RPS3: variants seen among roughly 807,000 people sequenced by gnomAD.
RPS3 encodes the protein small ribosomal subunit protein uS3.
In RPS3, 2 loss-of-function variants were observed where a neutral mutation model predicts 25.8. That is an observed-to-expected ratio of 0.08 (90% CI 0.03 to 0.24). The LOEUF (loss-of-function observed/expected upper bound fraction) is 0.24. Ranked by LOEUF, RPS3 falls within the 10% of genes least tolerant of loss-of-function variation. The pLI is 1.00. For synonymous variants in RPS3, 114 were observed against 114.2 expected, an observed-to-expected ratio of 1.00 and a Z score of 0.01; for missense variants, 107 against 307.1, an observed-to-expected ratio of 0.35 and a Z score of 4.87.
intron 2 of RPS3, 142 bp from the exon 3 acceptor site, chr11:75,401,498 A>G: frequency 3.2e-6 from 2 of 633,168 alleles, no homozygotes; most frequent in Non-Finnish European, 5.6e-6. Context: ...TCAAAAAAAA[A>G]AGCTGCGTTT....
Position 75,404,952 on chromosome 11 carries a change from G to A in RPS3, c.*3+84G>A, listed in dbSNP as rs1176919295. 2 of 902,652 alleles carry A rather than the reference G, an allele frequency of 2.2e-6. No homozygotes were observed. The highest frequency in any genetic ancestry group is 3.3e-6 in the Non-Finnish European group (2 of 612,088). The allele number at this position is 902,652 out of a possible 1,614,324, so 55.9% of individuals were successfully genotyped here. A position where few individuals can be genotyped will look rare whatever the true frequency, so the allele number is the denominator to read the frequency against. ...GTTAATACTTGTATCCCACATTCTG[G>A]TAAGCGTTTGGTGAATAAAAATTTC... On this transcript the variant is annotated intron_variant, in intron 6 of 6. Coordinates refer to ENST00000531188, the MANE Select transcript of RPS3 (RefSeq NM_001005.5). This position sits in a 1 kb window ranked among gnomAD's most constrained non-coding sequence, Gnocchi z 4.6.
chr11:75,408,144 TGAA>T (rs1263108252), downstream of RPS3, among the ~76,000 whole-genome samples: 1 of 151,858 alleles, frequency 6.6e-6, no homozygotes, highest in Non-Finnish European at 1.5e-5. Flanking sequence ...GACAGAAAAA[TGAA>T]GATTATTAGT....
intron 6 of RPS3, among the ~76,000 whole-genome samples, chr11:75,414,378 G>A (rs1948380238): frequency 6.6e-6 from 1 of 152,218 alleles, no homozygotes; most frequent in South Asian, 2.1e-4. Context: ...TTGGGAGGCC[G>A]AGGCAGGCGG....
intron 1 of RPS3, 23 bp downstream of exon 1, chr11:75,399,600 C>T: frequency 6.2e-7 from 1 of 1,608,810 alleles, no homozygotes; most frequent in Non-Finnish European, 8.5e-7. Flanking sequence ...GGACTGGGTT[C>T]GGAGAACGAC....
rs770254186 is a variant in RPS3, at chr11:75,404,468, T to G, written c.539-204T>G. The G allele has an allele frequency of 1.8e-5, 14 of 793,840 alleles. No homozygotes were observed. The highest frequency in any genetic ancestry group is 1.8e-4 in the South Asian group (13 of 74,170). 49.2% of individuals were successfully genotyped at this position (793,840 alleles called of 1,614,324 possible). A position where few individuals can be genotyped will look rare whatever the true frequency, so the allele number is the denominator to read the frequency against. On this transcript the variant is annotated intron_variant, in intron 5 of 6. Transcript: ENST00000531188. The surrounding 1 kb of genome is among the most constrained non-coding windows in gnomAD (Gnocchi z 4.6). ...AGTCAGAAAGGTCACGTCCTGCTCT[T>G]GGTCCTTGTCAGTGCCATGTTCTGT...
chr11:75,417,962 C>T lies in RPS3; in HGVS notation c.*4-3765C>T, dbSNP rs1036005797. Among the ~76,000 whole-genome samples, 6 of 152,344 alleles carry T rather than the reference C, an allele frequency of 3.9e-5. 1 individual carries two copies. Among genetic ancestry groups the T allele is most frequent in the African/African-American group, 4.8e-5 (2 of 41,578 alleles). ...CCAAAATGACCAGGCTGCCCAGCCT[C>T]GGCCCGGATCAAGATCTAGAGGCCA... On this transcript the variant is annotated intron_variant, in intron 6 of 6. Transcript: ENST00000527446.
At chr11:75,405,460 A>ATTT (rs34828342) in intron 6 of RPS3, 154 bp from the exon 7 acceptor site, 139 of 297,072 alleles carry the variant, frequency 4.7e-4, no homozygotes, top group South Asian at 5.7e-4. Context: ...GGTGCCTTGT[A>ATTT]TTTTTTTTTT....
chr11:75,402,216 C>A, intron 3 of RPS3, 136 bp from the exon 4 acceptor site: 3 of 1,331,134 alleles, frequency 2.3e-6, no homozygotes, highest in Admixed American at 3.7e-5. Flanking sequence ...TCAAAGCCAT[C>A]TCCTGGGCAG....
At chr11:75,415,815 A>AC (rs1948391916) in intron 6 of RPS3, among the ~76,000 whole-genome samples, 1 of 150,614 alleles carries the variant, frequency 6.6e-6, no homozygotes, top group Admixed American at 6.6e-5. Flanking sequence ...CAAAAAAAAA[A>AC]AAAAAAAAAG....
rs564455218 is a variant in RPS3 at position 75,413,237 on chromosome 11, A to G, written c.*3+8369A>G. On this transcript the variant is annotated intron_variant, in intron 6 of 6. Coordinates refer to the RPS3 transcript ENST00000527446. The stretch of plus-strand genomic sequence containing the variant: ...TTCTTGTATATATGTGTGTGTGTGT[A>G]TATATATATATATTTTTTTTTTTGA... Among the ~76,000 whole-genome samples, 405 of 101,898 alleles carry G rather than the reference A, an allele frequency of 4.0e-3. 2 individuals carry two copies. Among genetic ancestry groups the G allele is most frequent in the African/African-American group, 0.019 (372 of 20,032 alleles). 66.8% of individuals were successfully genotyped at this position (101,898 alleles called of 152,430 possible).
At chr11:75,402,514 A>C in intron 4 of RPS3, 68 bp downstream of exon 4, 1 of 1,503,820 alleles carries the variant, frequency 6.6e-7, no homozygotes, top group East Asian at 2.3e-5. Context: ...GCCATTTGTT[A>C]ATTTAGCAGA....
Position 75,412,027 on chromosome 11 carries a change from G to T in RPS3, c.*3+7159G>T, listed in dbSNP as rs538124538. Among the ~76,000 whole-genome samples the T allele has an allele frequency of 5.3e-5, 8 of 152,266 alleles. No homozygotes were observed. The South Asian group carries it at 1.7e-3, about 32-fold the overall frequency. On this transcript the variant is annotated intron_variant, in intron 6 of 6. Coordinates refer to the RPS3 transcript ENST00000527446. The stretch of plus-strand genomic sequence containing the variant: ...GTAGTGGTCATGGCCCCACCCTCAG[G>T]ACTGCAAAAGACTTCCAGTTAAATA...
downstream of RPS3, among the ~76,000 whole-genome samples, chr11:75,409,131 G>A (rs2135063146): frequency 6.6e-6 from 1 of 152,104 alleles, no homozygotes; most frequent in South Asian, 2.1e-4. Context: ...ACAGGCACGT[G>A]CCACCATCTC....
At chr11:75,400,655 C>G (rs375724256) in intron 1 of RPS3, 39 bp from the exon 2 acceptor site, 1 of 1,604,594 alleles carries the variant, frequency 6.2e-7, no homozygotes, top group Non-Finnish European at 8.5e-7. Context: ...TGAGCCTACA[C>G]CGATCTCCTA....
At chr11:75,410,605 G>A (rs1453020118), downstream of RPS3, among the ~76,000 whole-genome samples, 10 of 152,368 alleles carry the variant, frequency 6.6e-5, no homozygotes, top group Non-Finnish European at 1.0e-4. Flanking sequence ...GGCAGAGGCT[G>A]CAATCTCGGC....
At chr11:75,419,446 A>T (rs1948425959) in intron 6 of RPS3, among the ~76,000 whole-genome samples, 1 of 151,756 alleles carries the variant, frequency 6.6e-6, no homozygotes, top group African/African-American at 2.4e-5. Flanking sequence ...CCCAGCTACG[A>T]GGGAGGCCGA....
chr11:75,420,086 G>A (rs116386896), intron 6 of RPS3, among the ~76,000 whole-genome samples: 146 of 152,328 alleles, frequency 9.6e-4, no homozygotes, highest in African/African-American at 3.1e-3. Context: ...GGAGCGAACG[G>A]CAAAGCCGCA....
intron 6 of RPS3, among the ~76,000 whole-genome samples, chr11:75,421,246 T>C (rs991870476): frequency 1.3e-5 from 2 of 152,128 alleles, no homozygotes; most frequent in African/African-American, 2.4e-5. Context: ...CGGCCCCAGC[T>C]GGAGAGACCC....
downstream of RPS3, among the ~76,000 whole-genome samples, chr11:75,410,460 C>T (rs1418682689): frequency 2.0e-5 from 3 of 151,162 alleles, no homozygotes; most frequent in African/African-American, 7.3e-5. Flanking sequence ...TCCTCGCTTC[C>T]TAGATGGGAT....
Sources: gnomAD v4.1 joint callset for allele counts (sites outside exome capture counted in the v4.1 genomes callset) on GRCh38, gnomAD v4.1.1 for gene constraint, Gnocchi (gnomAD v3.1) non-coding constraint, MANE v1.5 for transcripts, NCBI Gene and HGNC (gene_info 2026-07-23, HGNC 2026-07-21) for gene names.